The following SLC66A3 variants were observed in gnomAD, a reference collection of about 807,000 sequenced individuals.
The protein encoded by SLC66A3 is solute carrier family 66 member 3, also known as PQ loop repeat containing 3.
A neutral mutation model predicts 25.5 loss-of-function variants in SLC66A3; 23 were observed. The observed-to-expected ratio is 0.90, with a 90% CI of 0.65 to 1.28. The LOEUF (loss-of-function observed/expected upper bound fraction) is 1.28. Ranked by LOEUF, SLC66A3 falls within the 50% of genes most tolerant of loss-of-function variation. SLC66A3 has a pLI of 0.00. For synonymous variants in SLC66A3, 108 were observed against 112.6 expected (o/e 0.96, Z 0.26); for missense variants, 246 against 262.1 (o/e 0.94, Z 0.42).
At chr2:11,162,042 A>T (rs553716474) in intron 3 of SLC66A3, among the ~76,000 whole-genome samples, 179 of 152,342 alleles carry the variant, frequency 1.2e-3, no homozygotes, top group African/African-American at 3.7e-3. Context: ...GCTTCAGCAT[A>T]CACCATAAAC....
rs1662565255 is a variant in SLC66A3 at position 11,171,862 on chromosome 2, C to G, written c.355-63C>G. 3 of 1,592,532 alleles carry G rather than the reference C, an allele frequency of 1.9e-6. No homozygotes were observed. In the Admixed American group the frequency reaches 5.0e-5, roughly 27 times the overall value. ...GAATTACAGGTGTGAGCCACCGCACCTGGCCTCTTTTGCTTTTTTAACAAA... is the reference window on the plus strand; with the variant it reads ...GAATTACAGGTGTGAGCCACCGCACGTGGCCTCTTTTGCTTTTTTAACAAA... On this transcript the variant is annotated intron_variant, in intron 4 of 6. Transcript: ENST00000295083.
chr2:11,167,710 A>G (rs967398689), intron 4 of SLC66A3, among the ~76,000 whole-genome samples: 21 of 152,124 alleles, frequency 1.4e-4, no homozygotes, highest in African/African-American at 4.8e-4. Flanking sequence ...CCGGGGCACA[A>G]GGTGGCCCAG....
chr2:11,165,881 C>T (rs980678840), intron 4 of SLC66A3, among the ~76,000 whole-genome samples: 7 of 151,454 alleles, frequency 4.6e-5, no homozygotes, highest in African/African-American at 1.2e-4. Context: ...TCAGGCGTGG[C>T]GGCGCACGCC....
At chr2:11,171,055 C>T (rs1445435364) in intron 4 of SLC66A3, among the ~76,000 whole-genome samples, 3 of 152,112 alleles carry the variant, frequency 2.0e-5, no homozygotes, top group Admixed American at 6.5e-5. Context: ...TGGTGGCTCA[C>T]ACCTGTAATC....
chr2:11,171,399 T>C (rs574178950), intron 4 of SLC66A3, among the ~76,000 whole-genome samples: 30 of 152,246 alleles, frequency 2.0e-4, no homozygotes, highest in Admixed American at 3.3e-4. Context: ...ACAAATCCAT[T>C]ATTATTTTGA....
Position 11,178,283 on chromosome 2 carries a change from G to A in SLC66A3, c.*455G>A, listed in dbSNP as rs935080436. 6.4e-6 allele frequency: 1 copy of A among 156,378 alleles called. No homozygotes were observed. The highest frequency in any genetic ancestry group is 2.4e-5 in the African/African-American group (1 of 41,444). The allele number at this position is 156,378 out of a possible 1,614,324, so 9.7% of individuals were successfully genotyped here. On this transcript the variant is annotated 3_prime_UTR_variant, in exon 7 of 7. Coordinates refer to ENST00000295083, the MANE Select transcript of SLC66A3 (RefSeq NM_152391.5). Reference sequence around the variant, plus strand: ...ATAAATGACTAGGGTTCACTTTCTGGGACTGATGTTTAATTGTAACACAGA... The same window carrying A: ...ATAAATGACTAGGGTTCACTTTCTGAGACTGATGTTTAATTGTAACACAGA...
In SLC66A3 at chr2:11,155,667, A is replaced by T; in HGVS notation, c.121A>T (p.Ser41Cys). 1 of 1,464,268 alleles carries T rather than the reference A, an allele frequency of 6.8e-7. No individual in the cohort carries two copies. Among genetic ancestry groups the T allele is most frequent in the South Asian group, 1.3e-5 (1 of 74,346 alleles). 90.7% of individuals were successfully genotyped at this position (1,464,268 alleles called of 1,614,324 possible). A position where few individuals can be genotyped will look rare whatever the true frequency, so the allele number is the denominator to read the frequency against. The change falls in exon 1 of 7, where the codon AGT becomes TGT. Residue 41 changes from serine (S) to cysteine (C), a missense_variant. Ser to Cys is a moderately radical substitution (Grantham distance 112, BLOSUM62 -1). Around this residue, in one of 3 missense-constraint regions of SLC66A3, gnomAD observed 142 missense variants for 130.3 expected, o/e 1.09. Transcript: ENST00000295083. ...ARSARGLSLP[S>C]LLLELAGFLV... is the part of the protein sequence containing the mutation. ...CAGCGCGCGGGGCCTCAGCCTTCCG[A>T]GTTTACTTCTGGAGCTGGCAGGGTA...
At chr2:11,172,612 T>C (rs1662593313) in intron 5 of SLC66A3, 2 of 216,006 alleles carry the variant, frequency 9.3e-6, no homozygotes, top group Non-Finnish European at 1.0e-5. Flanking sequence ...TTAGATATTT[T>C]AAGTAGACTT....
Position 11,165,799 on chromosome 2 carries a change from C to T in SLC66A3, c.354+1538C>T, listed in dbSNP as rs535734504. Among the ~76,000 whole-genome samples, 577 of 152,260 alleles carry T rather than the reference C, an allele frequency of 3.8e-3. 3 individuals are homozygous for T. The highest frequency in any genetic ancestry group is 6.3e-3 in the Non-Finnish European group (426 of 68,022). ...GAGGCCGAGGCTGGCAGATCACTCGCGGTTAGGGGCTGGAGACCAGCCCGG... is the reference window on the plus strand; with the variant it reads ...GAGGCCGAGGCTGGCAGATCACTCGTGGTTAGGGGCTGGAGACCAGCCCGG... On this transcript the variant is annotated intron_variant, in intron 4 of 6. Coordinates refer to ENST00000295083, the MANE Select transcript of SLC66A3 (RefSeq NM_152391.5).
At chr2:11,155,830 A>G (rs1453632920) in intron 1 of SLC66A3, 141 bp downstream of exon 1, 6 of 709,034 alleles carry the variant, frequency 8.5e-6, no homozygotes, top group Non-Finnish European at 1.2e-5. Flanking sequence ...AGGGTGAACT[A>G]GGGAGCCTAG....
intron 5 of SLC66A3, among the ~76,000 whole-genome samples, chr2:11,174,306 G>GAT (rs1662656437): frequency 6.6e-6 from 1 of 152,154 alleles, no homozygotes; most frequent in African/African-American, 2.4e-5. Flanking sequence ...AAACTACCCA[G>GAT]ATGCTCAATT....
chr2:11,168,154 G>A lies in SLC66A3; in HGVS notation c.355-3771G>A, dbSNP rs192222735. ...AAAAAAATTAGCCGGGTGTGGTGGC[G>A]GGCACCTGTAGTCCCAGCTACTCAG... On this transcript the variant is annotated intron_variant, in intron 4 of 6. Transcript: ENST00000295083. Among the ~76,000 whole-genome samples, 608 of 151,882 alleles carry A rather than the reference G, an allele frequency of 4.0e-3. 4 individuals carry two copies. Among genetic ancestry groups the A allele is most frequent in the African/African-American group, 0.013 (518 of 41,414 alleles).
At chr2:11,160,187 G>A (rs1662066091) in intron 1 of SLC66A3, 1 of 513,958 alleles carries the variant, frequency 1.9e-6, no homozygotes, top group Non-Finnish European at 3.5e-6. Flanking sequence ...TTTGCCTTCT[G>A]TAAAAATCCT....
intron 6 of SLC66A3, among the ~76,000 whole-genome samples, chr2:11,177,477 A>T (rs1294141914): frequency 6.6e-6 from 1 of 151,730 alleles, no homozygotes; most frequent in African/African-American, 2.4e-5. Context: ...AAAAAAAGTT[A>T]AAAGTTATAA....
chr2:11,160,756 T>C (rs1662093997), intron 3 of SLC66A3, 62 bp downstream of exon 3: 2 of 1,611,628 alleles, frequency 1.2e-6, no homozygotes, highest in South Asian at 1.1e-5. Flanking sequence ...ATGGTATGCA[T>C]TGTGAAGCAG....
In SLC66A3 at chr2:11,171,957, G is replaced by A. The variant is rs779036091; in HGVS notation, c.387G>A (p.Lys129=). The stretch of plus-strand genomic sequence containing the variant: ...GTACTTTCATCAGCGCGGCCAGTAA[G>A]TTTGCACAGCTCCAGTGTCTGTGGA... ...NLCTFISAAS[K]FAQLQCLWKT... Residue 129 remains lysine (K), a synonymous_variant, in exon 5 of 7, where the codon AAG becomes AAA. Coordinates refer to ENST00000295083, the MANE Select transcript of SLC66A3 (RefSeq NM_152391.5). 7 of 1,614,126 alleles carry A rather than the reference G, an allele frequency of 4.3e-6. No homozygotes were observed. The Admixed American group carries it at 8.3e-5, about 19-fold the overall frequency.
At chr2:11,159,012 A>G (rs937624616) in intron 1 of SLC66A3, among the ~76,000 whole-genome samples, 2 of 152,080 alleles carry the variant, frequency 1.3e-5, no homozygotes, top group African/African-American at 2.4e-5. Flanking sequence ...CTTGGTGTCT[A>G]TGGGCCTCCA....
chr2:11,173,919 A>G lies in SLC66A3; in HGVS notation c.476-1049A>G, dbSNP rs114914875. On this transcript the variant is annotated intron_variant, in intron 5 of 6. Transcript: ENST00000295083. Reference sequence around the variant, plus strand: ...TTTCTGGGCCTCAGTCTGTTTATCTATAAAATGCAAGGATAGAAACCAGTG... The same window carrying G: ...TTTCTGGGCCTCAGTCTGTTTATCTGTAAAATGCAAGGATAGAAACCAGTG... 3.6e-3 allele frequency among the ~76,000 whole-genome samples: 545 copies of G among 152,334 alleles called. 3 individuals carry two copies. The highest frequency in any genetic ancestry group is 0.011 in the African/African-American group (476 of 41,598).
intron 5 of SLC66A3, among the ~76,000 whole-genome samples, chr2:11,173,941 A>C (rs1042917039): frequency 1.3e-5 from 2 of 152,206 alleles, no homozygotes; most frequent in African/African-American, 4.8e-5. Flanking sequence ...GATAGAAACC[A>C]GTGATTCGAA....
Sources: gnomAD v4.1 joint callset for allele counts (sites outside exome capture counted in the v4.1 genomes callset) on GRCh38, gnomAD v4.1.1 for gene constraint, gnomAD v4.1.1 regional missense constraint, MANE v1.5 for transcripts, NCBI Gene and HGNC (gene_info 2026-07-23, HGNC 2026-07-21) for gene names.